KCNAB1: variants seen among roughly 807,000 people sequenced by gnomAD.
KCNAB1 encodes the protein potassium voltage-gated channel subfamily A regulatory beta subunit 1.
Under a neutral mutation model 64.6 loss-of-function variants are expected in KCNAB1, and 35 were observed. The observed-to-expected ratio is 0.54, with a 90% CI of 0.41 to 0.72. KCNAB1 has a LOEUF of 0.72. Ranked by LOEUF, KCNAB1 falls within the 30% of genes least tolerant of loss-of-function variation. The probability of loss-of-function intolerance (pLI) is 0.00; values close to 1 mark genes in which losing one functional copy is unlikely to be tolerated. For missense variants in KCNAB1, 401 were observed against 512.9 expected (o/e 0.78, Z 2.11); for synonymous variants, 177 against 183.8 (o/e 0.96, Z 0.30).
intron 1 of KCNAB1, among the ~76,000 whole-genome samples, chr3:156,234,418 G>A (rs1256477979): frequency 6.6e-6 from 1 of 152,064 alleles, no homozygotes; most frequent in Non-Finnish European, 1.5e-5. Context: ...ATAAGCAGAA[G>A]GCTTAACCCT....
chr3:156,457,631 T>C, intron 4 of KCNAB1, 99 bp downstream of exon 4: 1 of 1,042,456 alleles, frequency 9.6e-7, no homozygotes. Flanking sequence ...GTTCTGTCCT[T>C]TCTCCACGTG....
intron 1 of KCNAB1, among the ~76,000 whole-genome samples, chr3:156,269,434 G>T (rs1447995666): frequency 6.6e-6 from 1 of 152,190 alleles, no homozygotes; most frequent in African/African-American, 2.4e-5. Flanking sequence ...CCTTGAGAAT[G>T]ATCCATGTAC....
At chr3:156,244,227 G>C (rs567057737) in intron 1 of KCNAB1, among the ~76,000 whole-genome samples, 1 of 152,234 alleles carries the variant, frequency 6.6e-6, no homozygotes, top group South Asian at 2.1e-4. Flanking sequence ...ACTTTTTCCA[G>C]ATTCTAAGGT....
At chr3:156,269,727 AC>A (rs1028720684) in intron 1 of KCNAB1, among the ~76,000 whole-genome samples, 6 of 151,850 alleles carry the variant, frequency 4.0e-5, no homozygotes, top group African/African-American at 1.5e-4. Context: ...TTATGTAATG[AC>A]CTTTGTCTCT....
At chr3:156,511,739 T>A (rs1277263876) in intron 8 of KCNAB1, among the ~76,000 whole-genome samples, 1 of 152,238 alleles carries the variant, frequency 6.6e-6, no homozygotes, top group Non-Finnish European at 1.5e-5. Flanking sequence ...TCCCTGTTAC[T>A]AATGATTCTC....
intron 11 of KCNAB1, among the ~76,000 whole-genome samples, chr3:156,519,934 G>T (rs534888248): frequency 1.3e-5 from 2 of 152,296 alleles, no homozygotes; most frequent in East Asian, 3.9e-4. Flanking sequence ...ACTGTGATCA[G>T]CTCAGGTTGT....
chr3:156,485,439 C>T (rs1715132876), intron 8 of KCNAB1, among the ~76,000 whole-genome samples: 1 of 151,968 alleles, frequency 6.6e-6, no homozygotes, highest in Non-Finnish European at 1.5e-5. Flanking sequence ...ATAAGGCATT[C>T]TTCTATATGA....
intron 1 of KCNAB1, among the ~76,000 whole-genome samples, chr3:156,392,998 T>C (rs1348027758): frequency 1.3e-5 from 2 of 152,214 alleles, no homozygotes; most frequent in Non-Finnish European, 2.9e-5. Context: ...TCCCTGTTTT[T>C]CTATTTTCTG....
chr3:156,235,661 C>A (rs527883590), intron 1 of KCNAB1, among the ~76,000 whole-genome samples: 2 of 152,244 alleles, frequency 1.3e-5, no homozygotes, highest in African/African-American at 2.4e-5. Context: ...AGCGTAAATT[C>A]TTTTACTTCT....
intron 7 of KCNAB1, among the ~76,000 whole-genome samples, chr3:156,468,341 G>A (rs998596771): frequency 6.6e-6 from 1 of 152,100 alleles, no homozygotes; most frequent in Non-Finnish European, 1.5e-5. Context: ...TGAACCATAT[G>A]TGTGTGCATG....
At chr3:156,212,754 C>T (rs1281137736) in intron 1 of KCNAB1, among the ~76,000 whole-genome samples, 27 of 152,124 alleles carry the variant, frequency 1.8e-4, no homozygotes, top group Non-Finnish European at 2.2e-4. Flanking sequence ...TGCAAGGAAG[C>T]ACTTCTGGGA....
chr3:156,415,473 C>T (rs1055962169), intron 1 of KCNAB1, among the ~76,000 whole-genome samples: 3 of 152,068 alleles, frequency 2.0e-5, no homozygotes, highest in Admixed American at 6.6e-5. Context: ...CCACTCAGCC[C>T]GGCTTCCCAT....
intron 1 of KCNAB1, among the ~76,000 whole-genome samples, chr3:156,220,180 G>A (rs753303804): frequency 7.2e-5 from 11 of 152,208 alleles, no homozygotes; most frequent in African/African-American, 9.6e-5. Context: ...ATAAATATAC[G>A]TGTGCATGTG....
intron 1 of KCNAB1, among the ~76,000 whole-genome samples, chr3:156,227,167 G>A (rs1404066737): frequency 6.6e-6 from 1 of 152,098 alleles, no homozygotes; most frequent in Non-Finnish European, 1.5e-5. Flanking sequence ...TATCCATTAG[G>A]TCTTTGTGTG....
intron 1 of KCNAB1, among the ~76,000 whole-genome samples, chr3:156,376,398 A>C (rs1711668895): frequency 6.6e-6 from 1 of 152,212 alleles, no homozygotes; most frequent in Admixed American, 6.5e-5. Context: ...CAGAAGATGC[A>C]AGGTCAGCAA....
chr3:156,300,467 C>A (rs1470868452), intron 1 of KCNAB1, among the ~76,000 whole-genome samples: 1 of 152,186 alleles, frequency 6.6e-6, no homozygotes, highest in Non-Finnish European at 1.5e-5. Flanking sequence ...ACCCTCTATA[C>A]AATGTCTATC....
intron 2 of KCNAB1, among the ~76,000 whole-genome samples, chr3:156,428,817 T>A (rs1009095056): frequency 1.3e-5 from 2 of 152,164 alleles, no homozygotes; most frequent in African/African-American, 2.4e-5. Flanking sequence ...TAGGGTTTGA[T>A]CTGGACCTAA....
At chr3:156,509,145 A>G (rs1717018126) in intron 8 of KCNAB1, among the ~76,000 whole-genome samples, 1 of 152,194 alleles carries the variant, frequency 6.6e-6, no homozygotes, top group South Asian at 2.1e-4. Context: ...TTGCTTATGT[A>G]CTAAGGCAAA....
chr3:156,335,129 G>A (rs1723600056), intron 1 of KCNAB1, among the ~76,000 whole-genome samples: 1 of 152,220 alleles, frequency 6.6e-6, no homozygotes, highest in Non-Finnish European at 1.5e-5. Context: ...GGCATCTGGA[G>A]CCTTTGATTT....
Sources: gnomAD v4.1 joint callset for allele counts (sites outside exome capture counted in the v4.1 genomes callset) on GRCh38, gnomAD v4.1.1 for gene constraint, MANE v1.5 for transcripts, NCBI Gene and HGNC (gene_info 2026-07-23, HGNC 2026-07-21) for gene names.